LDLRAD4: variants seen among roughly 807,000 people sequenced by gnomAD.
The protein encoded by LDLRAD4 is low density lipoprotein receptor class A domain containing 4.
LDLRAD4 carries 5 observed loss-of-function variants against 17.0 expected under a neutral mutation model. The observed-to-expected ratio is 0.29, with a 90% CI of 0.15 to 0.62. The LOEUF is 0.62. LDLRAD4 is among the 20% of genes least tolerant of loss of function. The pLI is 0.84. For missense variants in LDLRAD4, 340 were observed against 424.7 expected, an observed-to-expected ratio of 0.80 and a Z score of 1.75; for synonymous variants, 168 against 171.8, an observed-to-expected ratio of 0.98 and a Z score of 0.17.
In LDLRAD4 at chr18:13,542,117, T is replaced by C. The variant is rs76188456; in HGVS notation, c.182-79000T>C. The stretch of plus-strand genomic sequence containing the variant: ...TCACTCTCTACTCAAGTTCTACTTA[T>C]ATAACAGCAATGCAGCTCTCTTCAT... On this transcript the variant is annotated intron_variant, in intron 3 of 5. Coordinates refer to ENST00000359446, the Ensembl canonical transcript of LDLRAD4. 4.2e-3 allele frequency among the ~76,000 whole-genome samples: 647 copies of C among 152,336 alleles called. 17 individuals are homozygous for C. The East Asian group carries it at 0.073, about 17-fold the overall frequency.
chr18:13,375,814 G>A lies in LDLRAD4; in HGVS notation c.-382-11527G>A, dbSNP rs190569232. Among the ~76,000 whole-genome samples the A allele has an allele frequency of 1.5e-4, 23 of 152,170 alleles. No homozygotes were observed. In the East Asian group the frequency reaches 2.7e-3, roughly 18 times the overall value. ...CCTGGTGGGAGGCCTTCTCCTCCTC[G>A]TTTCCTCCCGCCCGCCAGCGCCTTG... is the stretch of plus-strand genomic sequence containing the variant. On this transcript the variant is annotated intron_variant, in intron 1 of 5. Coordinates refer to ENST00000359446, the Ensembl canonical transcript of LDLRAD4.
At chr18:13,304,808 G>C (rs956938166) in intron 1 of LDLRAD4, among the ~76,000 whole-genome samples, 9 of 152,214 alleles carry the variant, frequency 5.9e-5, no homozygotes, top group African/African-American at 2.2e-4. Context: ...TGGTCCTGCT[G>C]TGGGGGTGTA....
intron 3 of LDLRAD4, among the ~76,000 whole-genome samples, chr18:13,504,033 A>G (rs943152974): frequency 1.3e-5 from 2 of 152,228 alleles, no homozygotes; most frequent in African/African-American, 4.8e-5. Flanking sequence ...TAAAGTTAGC[A>G]TAATTACCGT....
chr18:13,473,651 AT>A (rs1568213642), intron 3 of LDLRAD4, among the ~76,000 whole-genome samples: 18 of 92,840 alleles, frequency 1.9e-4, no homozygotes, highest in Middle Eastern at 4.7e-3. Flanking sequence ...ATATATATAT[AT>A]ATATATATAT....
intron 1 of LDLRAD4, among the ~76,000 whole-genome samples, chr18:13,263,093 T>C (rs1200222364): frequency 7.6e-6 from 1 of 131,610 alleles, no homozygotes; most frequent in Non-Finnish European, 1.6e-5. Context: ...CCCACGCTGC[T>C]CTGTTTGCGT....
At chr18:13,466,411 A>G (rs1036694588) in intron 3 of LDLRAD4, among the ~76,000 whole-genome samples, 2 of 148,846 alleles carry the variant, frequency 1.3e-5, no homozygotes, top group Admixed American at 1.4e-4. Context: ...TTGAGGCTGC[A>G]GTGAGCTGTG....
intron 1 of LDLRAD4, among the ~76,000 whole-genome samples, chr18:13,223,326 C>T (rs1295007943): frequency 6.6e-6 from 1 of 152,234 alleles, no homozygotes; most frequent in African/African-American, 2.4e-5. Context: ...TCTTCCCACT[C>T]ACACTGGCTA....
intron 3 of LDLRAD4, among the ~76,000 whole-genome samples, chr18:13,445,381 T>C (rs58525347): frequency 0.041 from 6,265 of 151,528 alleles, 320 homozygotes; most frequent in East Asian, 0.14. Context: ...GTGAGTCTGG[T>C]GTGTGCATGC....
intron 1 of LDLRAD4, among the ~76,000 whole-genome samples, chr18:13,225,048 C>A (rs144879213): frequency 0.012 from 1,799 of 151,752 alleles, 11 homozygotes; most frequent in Non-Finnish European, 0.017. Flanking sequence ...GTTGGCCAGG[C>A]TGGTTTCTCA....
chr18:13,594,002 A>G (rs2095060878), intron 3 of LDLRAD4, among the ~76,000 whole-genome samples: 1 of 152,124 alleles, frequency 6.6e-6, no homozygotes, highest in South Asian at 2.1e-4. Flanking sequence ...AAGCTTTCTT[A>G]TATCCTGATT....
chr18:13,401,548 G>A (rs976240699), intron 2 of LDLRAD4, among the ~76,000 whole-genome samples: 2 of 152,128 alleles, frequency 1.3e-5, no homozygotes, highest in African/African-American at 4.8e-5. Context: ...TCTCCTGTGC[G>A]TCCCCGAGGC....
At chr18:13,234,521 T>G (rs1452975840) in intron 1 of LDLRAD4, among the ~76,000 whole-genome samples, 4 of 152,108 alleles carry the variant, frequency 2.6e-5, no homozygotes, top group African/African-American at 9.7e-5. Context: ...GGGAGGATGG[T>G]GGGCAGGTCC....
intron 2 of LDLRAD4, among the ~76,000 whole-genome samples, chr18:13,402,209 C>G (rs1214991058): frequency 6.6e-6 from 1 of 152,158 alleles, no homozygotes; most frequent in Non-Finnish European, 1.5e-5. Context: ...TTTGTTTGTG[C>G]CCCTGGGTGA....
chr18:13,567,478 T>TA (rs1246816439), intron 3 of LDLRAD4, among the ~76,000 whole-genome samples: 2 of 151,100 alleles, frequency 1.3e-5, no homozygotes, highest in Admixed American at 6.6e-5. Flanking sequence ...CCCCAGGAGT[T>TA]ACGCTTTTGC....
At chr18:13,390,320 T>A (rs2086171384) in intron 2 of LDLRAD4, among the ~76,000 whole-genome samples, 1 of 152,200 alleles carries the variant, frequency 6.6e-6, no homozygotes, top group African/African-American at 2.4e-5. Context: ...TCCTGCTATG[T>A]GTCCTTTGCC....
chr18:13,573,923 A>C (rs2094728894), intron 3 of LDLRAD4, among the ~76,000 whole-genome samples: 1 of 152,244 alleles, frequency 6.6e-6, no homozygotes. Flanking sequence ...CCATCTCCGC[A>C]TTTCCTGGTC....
At chr18:13,486,645 C>T (rs2093229790) in intron 3 of LDLRAD4, 1 of 152,150 alleles carries the variant, frequency 6.6e-6, no homozygotes. Context: ...CTTCATCACT[C>T]TGTTTATTAA....
chr18:13,322,417 A>G (rs2081305921), intron 1 of LDLRAD4, among the ~76,000 whole-genome samples: 1 of 149,218 alleles, frequency 6.7e-6, no homozygotes, highest in Non-Finnish European at 1.5e-5. Flanking sequence ...CTCCCAACTC[A>G]GCCTCCCCAG....
chr18:13,557,035 C>G (rs568081117), intron 3 of LDLRAD4, among the ~76,000 whole-genome samples: 1 of 152,302 alleles, frequency 6.6e-6, no homozygotes, highest in South Asian at 2.1e-4. Context: ...TGGCACACAC[C>G]TGTAATCCCA....
Sources: gnomAD v4.1 joint callset for allele counts (sites outside exome capture counted in the v4.1 genomes callset) on GRCh38, gnomAD v4.1.1 for gene constraint, MANE v1.5 for transcripts, NCBI Gene and HGNC (gene_info 2026-07-23, HGNC 2026-07-21) for gene names.